Variants in FBXL17 observed in about 807,000 individuals in gnomAD.
The protein encoded by FBXL17 is F-box/LRR-repeat protein 17.
Under a neutral mutation model 66.2 loss-of-function variants are expected in FBXL17, and 22 were observed. The observed-to-expected ratio is 0.33, with a 90% confidence interval of 0.24 to 0.47. FBXL17 has a LOEUF of 0.47. Among genes scored for constraint, FBXL17 ranks in the 20% least tolerant of loss-of-function variants. The pLI is 1.00. For synonymous variants in FBXL17, 474 were observed against 400.5 expected, an observed-to-expected ratio of 1.18 and a Z score of -2.19; for missense variants, 878 against 948.2, an observed-to-expected ratio of 0.93 and a Z score of 0.97.
intron 7 of FBXL17, among the ~76,000 whole-genome samples, chr5:107,892,133 AC>A (rs1231593882): frequency 1.3e-5 from 2 of 152,160 alleles, no homozygotes; most frequent in African/African-American, 4.8e-5. Context: ...AAAGGAAAAA[AC>A]AAAATGGCTG....
At chr5:108,046,900 T>C (rs1747272571) in intron 6 of FBXL17, among the ~76,000 whole-genome samples, 1 of 152,110 alleles carries the variant, frequency 6.6e-6, no homozygotes, top group African/African-American at 2.4e-5. Flanking sequence ...TATTGCAAAG[T>C]CCCTTCCTTT....
At chr5:108,163,557 C>T (rs556981793) in intron 6 of FBXL17, among the ~76,000 whole-genome samples, 74 of 152,170 alleles carry the variant, frequency 4.9e-4, no homozygotes, top group Non-Finnish European at 8.2e-4. Context: ...TCCGCCACTA[C>T]GTCTGGCTAA....
At chr5:107,929,799 T>C (rs1319926318) in intron 7 of FBXL17, among the ~76,000 whole-genome samples, 1 of 152,170 alleles carries the variant, frequency 6.6e-6, no homozygotes, top group Non-Finnish European at 1.5e-5. Context: ...CAAATGGTTC[T>C]GTGATGACCA....
intron 7 of FBXL17, among the ~76,000 whole-genome samples, chr5:107,915,250 A>G (rs1176040251): frequency 6.6e-6 from 1 of 152,220 alleles, no homozygotes; most frequent in Admixed American, 6.5e-5. Flanking sequence ...AAACATAAGT[A>G]AAACATTTTT....
At chr5:108,258,926 AGC>A in intron 4 of FBXL17, among the ~76,000 whole-genome samples, 1 of 152,106 alleles carries the variant, frequency 6.6e-6, no homozygotes, top group East Asian at 1.9e-4. Context: ...TAATAGATAA[AGC>A]TAGACATAAT....
intron 4 of FBXL17, among the ~76,000 whole-genome samples, chr5:108,288,791 G>A (rs1758000981): frequency 6.6e-6 from 1 of 151,978 alleles, no homozygotes; most frequent in South Asian, 2.1e-4. Context: ...AGCTGTCTCT[G>A]TGGAGAAGAC....
chr5:108,332,812 T>G (rs1296395546), intron 4 of FBXL17, among the ~76,000 whole-genome samples: 1 of 151,970 alleles, frequency 6.6e-6, no homozygotes, highest in East Asian at 1.9e-4. Flanking sequence ...TTCGCCATGT[T>G]TGACCAGGCT....
chr5:108,358,984 G>A (rs1420959232), intron 3 of FBXL17, among the ~76,000 whole-genome samples: 1 of 151,968 alleles, frequency 6.6e-6, no homozygotes, highest in African/African-American at 2.4e-5. Flanking sequence ...CAATCCTCCT[G>A]CCTCAGGCTC....
intron 6 of FBXL17, among the ~76,000 whole-genome samples, chr5:108,173,885 A>G (rs1752697732): frequency 6.6e-6 from 1 of 152,260 alleles, no homozygotes; most frequent in Admixed American, 6.5e-5. Flanking sequence ...AAACTTAAGT[A>G]GCTTACAATT....
intron 6 of FBXL17, among the ~76,000 whole-genome samples, chr5:108,140,844 T>TA (rs1751323017): frequency 6.6e-6 from 1 of 152,034 alleles, no homozygotes; most frequent in African/African-American, 2.4e-5. Context: ...TTTTTTTTTT[T>TA]ACTCCCCACA....
chr5:108,366,610 A>G (rs1748681387), intron 2 of FBXL17, among the ~76,000 whole-genome samples: 1 of 152,020 alleles, frequency 6.6e-6, no homozygotes, highest in African/African-American at 2.4e-5. Context: ...TATTAGCCTG[A>G]GTTCATAATA....
At chr5:108,180,690 C>T (rs967780919) in intron 6 of FBXL17, among the ~76,000 whole-genome samples, 3 of 152,102 alleles carry the variant, frequency 2.0e-5, no homozygotes, top group African/African-American at 7.2e-5. Context: ...TACATAAATA[C>T]AAGATTCACA....
At chr5:108,084,429 C>A (rs887018496) in intron 6 of FBXL17, among the ~76,000 whole-genome samples, 1 of 152,114 alleles carries the variant, frequency 6.6e-6, no homozygotes, top group African/African-American at 2.4e-5. Context: ...GGAGCAGTAG[C>A]AAAATAAAAC....
At chr5:107,972,693 G>T (rs28670811) in intron 7 of FBXL17, among the ~76,000 whole-genome samples, 19,773 of 151,952 alleles carry the variant, frequency 0.13, 1,448 homozygotes, top group East Asian at 0.2. Flanking sequence ...TTAAGTCACC[G>T]CTTAGCTTTC....
chr5:107,974,478 C>A (rs925703320), intron 7 of FBXL17, among the ~76,000 whole-genome samples: 1 of 152,038 alleles, frequency 6.6e-6, no homozygotes. Context: ...AATTTAATTT[C>A]CACTCAAAAA....
At chr5:107,894,691 T>C (rs1749314574) in intron 7 of FBXL17, among the ~76,000 whole-genome samples, 2 of 152,142 alleles carry the variant, frequency 1.3e-5, no homozygotes, top group South Asian at 4.1e-4. Flanking sequence ...TATATATAAT[T>C]ATACATGTGT....
At chr5:108,213,538 G>A (rs578255383) in intron 5 of FBXL17, among the ~76,000 whole-genome samples, 1 of 152,172 alleles carries the variant, frequency 6.6e-6, no homozygotes, top group East Asian at 1.9e-4. Context: ...CTGGGTAGGG[G>A]AGAAAATTCC....
intron 6 of FBXL17, among the ~76,000 whole-genome samples, chr5:108,077,669 A>G (rs1452875657): frequency 6.6e-6 from 1 of 152,082 alleles, no homozygotes; most frequent in Non-Finnish European, 1.5e-5. Flanking sequence ...TCTCAAAAAA[A>G]AAAAAAAATG....
intron 7 of FBXL17, among the ~76,000 whole-genome samples, chr5:107,882,498 TA>T (rs894639572): frequency 6.6e-6 from 1 of 152,080 alleles, no homozygotes; most frequent in Non-Finnish European, 1.5e-5. Context: ...ACAATTTTTT[TA>T]AAAAAAGTTC....
Sources: gnomAD v4.1 joint callset for allele counts (sites outside exome capture counted in the v4.1 genomes callset) on GRCh38, gnomAD v4.1.1 for gene constraint, MANE v1.5 for transcripts, NCBI Gene and HGNC (gene_info 2026-07-23, HGNC 2026-07-21) for gene names.